Variants in FHIT observed in about 807,000 individuals in gnomAD.
The protein encoded by FHIT is fragile histidine triad diadenosine triphosphatase.
Under a neutral mutation model 17.9 loss-of-function variants are expected in FHIT, and 19 were observed. The observed-to-expected ratio is 1.06, with a 90% confidence interval of 0.74 to 1.56. The LOEUF (loss-of-function observed/expected upper bound fraction) is 1.56. FHIT is among the 40% of genes most tolerant of loss of function. FHIT has a pLI of 0.00. For synonymous variants in FHIT, 81 were observed against 69.7 expected (o/e 1.16, Z -0.81); for missense variants, 248 against 189.2 (o/e 1.31, Z -1.82).
chr3:59,795,529 C>A (rs961039949), intron 8 of FHIT, among the ~76,000 whole-genome samples: 2 of 151,758 alleles, frequency 1.3e-5, no homozygotes, highest in African/African-American at 4.8e-5. Flanking sequence ...GGTAAGACAG[C>A]CTAGGCAACA....
chr3:61,248,197 G>T (rs1261006992), intron 1 of FHIT, among the ~76,000 whole-genome samples: 1 of 152,158 alleles, frequency 6.6e-6, no homozygotes, highest in Non-Finnish European at 1.5e-5. Context: ...ATGAAGAGAT[G>T]TGGGAACAGG....
At chr3:60,140,575 AT>A (rs10540921) in intron 5 of FHIT, among the ~76,000 whole-genome samples, 37,938 of 128,598 alleles carry the variant, frequency 0.3, 5,113 homozygotes, top group African/African-American at 0.35. Context: ...CACAGACTCT[AT>A]TTTTTTTTTT....
intron 5 of FHIT, among the ~76,000 whole-genome samples, chr3:60,088,970 G>C (rs1290086608): frequency 2.0e-5 from 3 of 152,118 alleles, no homozygotes; most frequent in Non-Finnish European, 2.9e-5. Flanking sequence ...TATGCTTTTA[G>C]GCCAATTCAG....
chr3:60,555,696 G>A (rs536408461), intron 4 of FHIT, among the ~76,000 whole-genome samples: 86 of 152,200 alleles, frequency 5.7e-4, no homozygotes, highest in African/African-American at 2.0e-3. Context: ...GTCACCATTT[G>A]GAATTTCAGA....
intron 3 of FHIT, among the ~76,000 whole-genome samples, chr3:60,932,194 C>T (rs1022191299): frequency 2.0e-5 from 3 of 152,296 alleles, no homozygotes; most frequent in South Asian, 2.1e-4. Context: ...TTTATTCTCA[C>T]GATCACATTC....
chr3:60,401,502 C>T (rs1025550939), intron 5 of FHIT, among the ~76,000 whole-genome samples: 2 of 152,084 alleles, frequency 1.3e-5, no homozygotes, highest in Non-Finnish European at 2.9e-5. Context: ...CCTCCACCCC[C>T]ACAACTCCCA....
chr3:61,232,432 A>C (rs1236872411), intron 1 of FHIT, among the ~76,000 whole-genome samples: 2 of 152,198 alleles, frequency 1.3e-5, no homozygotes, highest in African/African-American at 2.4e-5. Flanking sequence ...CAATGGACAC[A>C]GCACTCTGTG....
At chr3:59,949,029 C>A (rs1258244036) in intron 7 of FHIT, among the ~76,000 whole-genome samples, 1 of 152,052 alleles carries the variant, frequency 6.6e-6, no homozygotes, top group African/African-American at 2.4e-5. Context: ...GTTTTTCAAC[C>A]CTTACCTCCT....
intron 8 of FHIT, among the ~76,000 whole-genome samples, chr3:59,885,980 A>T (rs1703606823): frequency 1.3e-5 from 2 of 152,194 alleles, no homozygotes; most frequent in African/African-American, 4.8e-5. Flanking sequence ...TTGCAAGGAT[A>T]GGAGGGTTAT....
At chr3:61,006,571 C>T (rs959701665) in intron 3 of FHIT, among the ~76,000 whole-genome samples, 1 of 149,188 alleles carries the variant, frequency 6.7e-6, no homozygotes, top group Non-Finnish European at 1.5e-5. Flanking sequence ...AAAGAAGGCA[C>T]CAAAAAAGTC....
At chr3:60,597,576 G>A (rs1238423514) in intron 4 of FHIT, among the ~76,000 whole-genome samples, 1 of 152,096 alleles carries the variant, frequency 6.6e-6, no homozygotes, top group Non-Finnish European at 1.5e-5. Flanking sequence ...AAAAGCTCTA[G>A]TTCAGTCTCT....
At chr3:61,019,188 C>T (rs945701879) in intron 3 of FHIT, among the ~76,000 whole-genome samples, 1 of 152,108 alleles carries the variant, frequency 6.6e-6, no homozygotes, top group Non-Finnish European at 1.5e-5. Flanking sequence ...CCCATATTTA[C>T]CTCATATTTA....
chr3:60,719,204 T>C (rs1331191070), intron 4 of FHIT, among the ~76,000 whole-genome samples: 1 of 152,186 alleles, frequency 6.6e-6, no homozygotes, highest in Non-Finnish European at 1.5e-5. Context: ...ATTACCCTCA[T>C]TACAGGGTAG....
chr3:59,824,285 G>A (rs1700899884), intron 8 of FHIT, among the ~76,000 whole-genome samples: 1 of 152,102 alleles, frequency 6.6e-6, no homozygotes, highest in South Asian at 2.1e-4. Flanking sequence ...AAGGAAAGGG[G>A]TAAAAAAGAA....
At chr3:59,876,567 G>C (rs555703903) in intron 8 of FHIT, among the ~76,000 whole-genome samples, 2 of 152,304 alleles carry the variant, frequency 1.3e-5, no homozygotes, top group East Asian at 3.9e-4. Context: ...GTCTTCAAGA[G>C]AGAAGAGGTG....
intron 8 of FHIT, among the ~76,000 whole-genome samples, chr3:59,773,688 G>T (rs780359): frequency 0.12 from 17,821 of 152,024 alleles, 1,189 homozygotes; most frequent in Non-Finnish European, 0.16. Flanking sequence ...AGGGAGGCAG[G>T]CTTCATCTTG....
chr3:60,601,536 T>C (rs782002446), intron 4 of FHIT, among the ~76,000 whole-genome samples: 3 of 152,024 alleles, frequency 2.0e-5, no homozygotes, highest in Non-Finnish European at 4.4e-5. Context: ...TCAAGGAAGA[T>C]GAAGATCAAC....
At chr3:59,887,114 G>A (rs1485982515) in intron 8 of FHIT, among the ~76,000 whole-genome samples, 1 of 152,164 alleles carries the variant, frequency 6.6e-6, no homozygotes, top group African/African-American at 2.4e-5. Flanking sequence ...AAGCAATTGT[G>A]CAGGGATTCC....
chr3:60,955,613 T>TAC (rs1709098039), intron 3 of FHIT, among the ~76,000 whole-genome samples: 8 of 13,310 alleles, frequency 6.0e-4, no homozygotes, highest in African/African-American at 9.8e-4. Flanking sequence ...TATATATATA[T>TAC]ATATATATAT....
Sources: allele counts gnomAD v4.1 joint callset (sites outside exome capture counted in the v4.1 genomes callset), GRCh38; gene constraint gnomAD v4.1.1; transcripts MANE v1.5; gene names NCBI Gene and HGNC (gene_info 2026-07-23, HGNC 2026-07-21).